The following NXPE3 variants were observed in gnomAD, a reference collection of about 807,000 sequenced individuals.
The protein encoded by NXPE3 is NXPE family member 3.
Under a neutral mutation model 46.1 loss-of-function variants are expected in NXPE3, and 26 were observed. The observed-to-expected ratio is 0.56, with a 90% CI of 0.41 to 0.78. The LOEUF (loss-of-function observed/expected upper bound fraction) is 0.78, where lower values mean the gene tolerates loss of function less well. Among genes scored for constraint, NXPE3 ranks in the 30% least tolerant of loss-of-function variants. NXPE3 has a pLI of 0.00. For missense variants in NXPE3, 620 were observed against 686.0 expected (o/e 0.90, Z 1.07); for synonymous variants, 272 against 257.9 (o/e 1.05, Z -0.52).
At chr3:101,783,703 G>A (rs1939971689) in intron 3 of NXPE3, among the ~76,000 whole-genome samples, 1 of 152,180 alleles carries the variant, frequency 6.6e-6, no homozygotes, top group Non-Finnish European at 1.5e-5. Flanking sequence ...TGCCTATGGT[G>A]CAACTAAATT....
At chr3:101,804,417 A>G (rs1206303262) in intron 5 of NXPE3, among the ~76,000 whole-genome samples, 2 of 152,188 alleles carry the variant, frequency 1.3e-5, no homozygotes, top group African/African-American at 4.8e-5. Context: ...ATAATTGCGG[A>G]ATTTTATTTA....
chr3:101,816,376 T>C (rs1249435671), intron 6 of NXPE3, among the ~76,000 whole-genome samples: 4 of 152,138 alleles, frequency 2.6e-5, no homozygotes, highest in African/African-American at 9.7e-5. Flanking sequence ...CAACCCATCA[T>C]CTAGGTTTTA....
rs1287287757 is a variant in NXPE3 at position 101,827,182 on chromosome 3, C to T, written c.*5228C>T. On this transcript the variant is annotated 3_prime_UTR_variant, in exon 8 of 8. Coordinates refer to ENST00000273347, the MANE Select transcript of NXPE3 (RefSeq NM_145037.4). ...GTCTAATGATGTGTATATCTAATGC[C>T]CATTCCAGCTGGATTGTAACACTGC... is the stretch of plus-strand genomic sequence containing the variant. 2.0e-5 allele frequency: 3 copies of T among 151,918 alleles called. No individual in the cohort carries two copies. Among genetic ancestry groups the T allele is most frequent in the African/African-American group, 7.3e-5 (3 of 41,316 alleles). The allele number at this position is 151,918 out of a possible 1,614,324, so 9.4% of individuals were successfully genotyped here.
At chr3:101,800,064 T>C (rs189025916) in intron 4 of NXPE3, among the ~76,000 whole-genome samples, 2 of 152,286 alleles carry the variant, frequency 1.3e-5, no homozygotes, top group East Asian at 3.9e-4. Flanking sequence ...GTTCATTGAT[T>C]TCTGCTATCA....
In NXPE3 at chr3:101,821,997, C is replaced by T. The variant is rs761982866; in HGVS notation, c.*43C>T. 3.2e-6 allele frequency: 5 copies of T among 1,556,474 alleles called. No individual in the cohort carries two copies. The South Asian group carries it at 5.8e-5, about 18-fold the overall frequency. On this transcript the variant is annotated 3_prime_UTR_variant, in exon 8 of 8. Transcript: ENST00000273347. ...TGGAGGAATCATATTCAATGACCTT[C>T]TCAATTGACCTGAGTTACAGAAAGT...
At chr3:101,815,747 C>G (rs1473287936) in intron 6 of NXPE3, among the ~76,000 whole-genome samples, 2 of 152,096 alleles carry the variant, frequency 1.3e-5, no homozygotes, top group Non-Finnish European at 2.9e-5. Context: ...GCCTGTAATC[C>G]CAGCACTTTG....
chr3:101,801,237 C>T lies in NXPE3; in HGVS notation c.96C>T (p.Tyr32=), dbSNP rs760055457. The T allele has an allele frequency of 6.8e-6, 11 of 1,606,792 alleles. No individual in the cohort carries two copies. In the East Asian group the frequency reaches 1.8e-4, roughly 26 times the overall value. ...GTTGTTTGTGTCTTCTTCTTCAGTA[C>T]TTGGACCATGAGACTGTTTCAGCCA... ...VLVINVTQVE[Y]LDHETVSATF... The change falls in exon 5 of 8, where the codon TAC becomes TAT. Residue 32 remains tyrosine, a splice_region_variant and synonymous_variant. Transcript: ENST00000273347.
At position 101,821,821 on chromosome 3, in the gene NXPE3, T is replaced by C; in HGVS notation, c.1547T>C (p.Val516Ala). Reference protein sequence around the residue: ...DTILRRMFSGVGVYLVDAWEM... With the variant: ...DTILRRMFSGAGVYLVDAWEM... ...ATCCTTCGGAGGATGTTCTCAGGGGTTGGAGTATATCTCGTCGATGCCTGG... is the reference window on the plus strand; with the variant it reads ...ATCCTTCGGAGGATGTTCTCAGGGGCTGGAGTATATCTCGTCGATGCCTGG... Residue 516 changes from valine (V) to alanine (A), a missense_variant, in exon 8 of 8, where the codon GTT becomes GCT. By Grantham distance (64) the Val-to-Ala change is moderately conservative. Around this residue, in one of 3 missense-constraint regions of NXPE3, gnomAD observed 75 missense variants for 121.1 expected, o/e 0.62. Transcript: ENST00000273347. The C allele has an allele frequency of 6.2e-7, 1 of 1,614,048 alleles. No homozygotes were observed.
rs572676867 is a variant in NXPE3 at position 101,825,492 on chromosome 3, A to G, written c.*3538A>G. 1 of 152,238 alleles carries G rather than the reference A, an allele frequency of 6.6e-6. No individual in the cohort carries two copies. Among genetic ancestry groups the G allele is most frequent in the African/African-American group, 2.4e-5 (1 of 41,472 alleles). The allele number at this position is 152,238 out of a possible 1,614,324, so 9.4% of individuals were successfully genotyped here. On this transcript the variant is annotated 3_prime_UTR_variant, in exon 8 of 8. Transcript: ENST00000273347. ...CATCATAATTTTTAAAAACTATAAA[A>G]TCTAGAAGAAAAATCTATGGATAAA...
At chr3:101,803,186 A>G (rs555387741) in intron 5 of NXPE3, among the ~76,000 whole-genome samples, 1 of 152,290 alleles carries the variant, frequency 6.6e-6, no homozygotes, top group Admixed American at 6.5e-5. Context: ...GGCACCCTAA[A>G]AATTTCATAC....
intron 4 of NXPE3, among the ~76,000 whole-genome samples, chr3:101,796,139 G>A (rs778733569): frequency 2.0e-5 from 3 of 152,162 alleles, no homozygotes; most frequent in African/African-American, 7.2e-5. Context: ...TGAACCAGCC[G>A]TTTACCTGGG....
chr3:101,811,167 A>G (rs1484349150), intron 6 of NXPE3, among the ~76,000 whole-genome samples: 1 of 152,106 alleles, frequency 6.6e-6, no homozygotes, highest in African/African-American at 2.4e-5. Flanking sequence ...CAGCCCTGAT[A>G]ATAGCCTGAT....
At chr3:101,800,031 CT>C (rs1941051702) in intron 4 of NXPE3, among the ~76,000 whole-genome samples, 1 of 151,798 alleles carries the variant, frequency 6.6e-6, no homozygotes, top group African/African-American at 2.4e-5. Context: ...ATTGATTTTT[CT>C]TTATTGATTT....
chr3:101,814,625 A>G (rs761298163), intron 6 of NXPE3, among the ~76,000 whole-genome samples: 5 of 152,214 alleles, frequency 3.3e-5, no homozygotes, highest in Non-Finnish European at 7.3e-5. Context: ...TTAAATTTAA[A>G]TTTCTGAGTT....
At chr3:101,799,995 C>T (rs1427436665) in intron 4 of NXPE3, among the ~76,000 whole-genome samples, 1 of 151,922 alleles carries the variant, frequency 6.6e-6, no homozygotes, top group African/African-American at 2.4e-5. Flanking sequence ...TTTTATCAAT[C>T]TTTTAAAAAA....
chr3:101,813,914 G>T (rs574856601), intron 6 of NXPE3, among the ~76,000 whole-genome samples: 1 of 152,246 alleles, frequency 6.6e-6, no homozygotes, highest in Admixed American at 6.5e-5. Context: ...TTGACCATAA[G>T]GGGGCAACAT....
At position 101,801,348 on chromosome 3, in the gene NXPE3, C is replaced by G. The variant is rs775793855; in HGVS notation, c.207C>G (p.Thr69=). The change falls in exon 5 of 8, where the codon ACC becomes ACG. Residue 69 remains threonine, a synonymous_variant. Coordinates refer to ENST00000273347, the MANE Select transcript of NXPE3 (RefSeq NM_145037.4). ...CCTACTGTGGCTATGATCAGCAGAC[C>G]CTGTCCAGCCAGGAGCGCATGGAGG... ...RNPYCGYDQQ[T]LSSQERMEED... 2 of 1,614,182 alleles carry G rather than the reference C, an allele frequency of 1.2e-6. No individual in the cohort carries two copies. Among genetic ancestry groups the G allele is most frequent in the South Asian group, 2.2e-5 (2 of 91,086 alleles).
intron 4 of NXPE3, among the ~76,000 whole-genome samples, chr3:101,788,133 G>T (rs1280692786): frequency 6.6e-6 from 1 of 152,050 alleles, no homozygotes; most frequent in Non-Finnish European, 1.5e-5. Flanking sequence ...AATTTGCATT[G>T]CCATAATTAT....
chr3:101,818,753 ATTTTTTTTTTTTTT>A (rs1186102474), intron 7 of NXPE3, among the ~76,000 whole-genome samples: 11 of 12,248 alleles, frequency 9.0e-4, no homozygotes, highest in Admixed American at 2.2e-3. Context: ...ATATATATAT[ATTTTTTTTTTTTTT>A]TTTTTTTTTT....
Sources: allele counts gnomAD v4.1 joint callset (sites outside exome capture counted in the v4.1 genomes callset), GRCh38; gene constraint gnomAD v4.1.1; regional missense constraint gnomAD v4.1.1; transcripts MANE v1.5; gene names NCBI Gene and HGNC (gene_info 2026-07-23, HGNC 2026-07-21).